EGLN1: variants seen among roughly 807,000 people sequenced by gnomAD.
EGLN1 encodes egl-9 family hypoxia inducible factor 1.
In EGLN1, 17 loss-of-function variants were observed where a neutral mutation model predicts 38.3. The ratio of observed to expected loss-of-function variants is 0.44; its 90% CI spans 0.30 to 0.67. EGLN1 has a LOEUF of 0.67. Among genes scored for constraint, EGLN1 ranks in the 30% least tolerant of loss-of-function variants. The probability of loss-of-function intolerance (pLI) is 0.08; values close to 1 mark genes in which losing one functional copy is unlikely to be tolerated. For synonymous variants in EGLN1, 283 were observed against 257.5 expected (o/e 1.10, Z -0.95); for missense variants, 477 against 603.3 (o/e 0.79, Z 2.19).
chr1:231,405,827 T>TC (rs1688775445), intron 1 of EGLN1, among the ~76,000 whole-genome samples: 1 of 152,148 alleles, frequency 6.6e-6, no homozygotes, highest in Non-Finnish European at 1.5e-5. Context: ...CTGAAAATTG[T>TC]CAATACGAAC....
At chr1:231,373,284 C>A (rs1378492748) in intron 2 of EGLN1, among the ~76,000 whole-genome samples, 1 of 152,022 alleles carries the variant, frequency 6.6e-6, no homozygotes, top group African/African-American at 2.4e-5. Context: ...AATATTTTTA[C>A]AAAAATGCCA....
At chr1:231,389,963 CA>C (rs1314829559) in intron 1 of EGLN1, among the ~76,000 whole-genome samples, 3 of 151,814 alleles carry the variant, frequency 2.0e-5, no homozygotes, top group Non-Finnish European at 4.4e-5. Flanking sequence ...AACAAACAAA[CA>C]AACAACAACA....
At chr1:231,372,024 T>C (rs1687836927) in intron 2 of EGLN1, among the ~76,000 whole-genome samples, 1 of 152,204 alleles carries the variant, frequency 6.6e-6, no homozygotes, top group Admixed American at 6.5e-5. Flanking sequence ...ACCTCCAAAC[T>C]GAGAACATGT....
Position 231,421,856 on chromosome 1 carries a change from C to T in EGLN1, c.33G>A (p.Pro11=), listed in dbSNP as rs1656636446. The T allele has an allele frequency of 6.7e-7, 1 of 1,485,968 alleles. No homozygotes were observed. The highest frequency in any genetic ancestry group is 1.5e-5 in the African/African-American group (1 of 68,518). 92.0% of individuals were successfully genotyped at this position (1,485,968 alleles called of 1,614,324 possible). ...ACTGCCGGTCTCGCTCGCTCGGGCTCGGCCCGCCGGGCCCGCCGCTGTCAT... is the reference window on the plus strand; with the variant it reads ...ACTGCCGGTCTCGCTCGCTCGGGCTTGGCCCGCCGGGCCCGCCGCTGTCAT... The part of the protein sequence containing the change: MANDSGGPGG[P]SPSERDRQYC... Residue 11 remains proline (P), a synonymous_variant, in exon 1 of 5, where the codon CCG becomes CCA. Coordinates refer to ENST00000366641, the MANE Select transcript of EGLN1 (RefSeq NM_022051.3). This position sits in a 1 kb window ranked among gnomAD's most constrained non-coding sequence, Gnocchi z 5.5.
Position 231,392,265 on chromosome 1 carries a change from C to T in EGLN1, c.892-18166G>A, listed in dbSNP as rs556795235. 9.9e-5 allele frequency among the ~76,000 whole-genome samples: 15 copies of T among 151,346 alleles called. 2 individuals carry two copies. In the South Asian group the frequency reaches 2.3e-3, roughly 23 times the overall value. On this transcript the variant is annotated intron_variant, in intron 1 of 4. Transcript: ENST00000366641. Reference sequence around the variant, plus strand: ...TCGCGCCACTGCACTCCAGCCTGGGCGACAGAGCGAGACTCTGTCTCAAAA... The same window carrying T: ...TCGCGCCACTGCACTCCAGCCTGGGTGACAGAGCGAGACTCTGTCTCAAAA...
chr1:231,379,699 T>A (rs1688035082), intron 1 of EGLN1, among the ~76,000 whole-genome samples: 1 of 152,022 alleles, frequency 6.6e-6, no homozygotes, highest in African/African-American at 2.4e-5. Flanking sequence ...GATGCACACA[T>A]TGGGATGTGG....
At chr1:231,406,905 AT>A (rs1688812208) in intron 1 of EGLN1, among the ~76,000 whole-genome samples, 1 of 152,172 alleles carries the variant, frequency 6.6e-6, no homozygotes, top group African/African-American at 2.4e-5. Flanking sequence ...ATTATCACAC[AT>A]GACCTTTAGC....
rs1687654042 is a variant in EGLN1, at chr1:231,366,578, A to G, written c.1217-103T>C. The G allele has an allele frequency of 3.5e-6, 4 of 1,156,806 alleles. No individual in the cohort carries two copies. In the Admixed American group the frequency reaches 5.9e-5, roughly 17 times the overall value. The allele number at this position is 1,156,806 out of a possible 1,614,324, so 71.7% of individuals were successfully genotyped here. A position where few individuals can be genotyped will look rare whatever the true frequency, so the allele number is the denominator to read the frequency against. On this transcript the variant is annotated intron_variant, in intron 4 of 4. Transcript: ENST00000366641. ...TCCTAAGAGTATGGACAATATTTCA[A>G]CTTTGCAAACATCATCTGAGAACTA...
At chr1:231,413,040 A>C (rs1267024678) in intron 1 of EGLN1, among the ~76,000 whole-genome samples, 1 of 151,602 alleles carries the variant, frequency 6.6e-6, no homozygotes, top group Admixed American at 6.6e-5. Flanking sequence ...CATATCCTTT[A>C]CTCCTTCCAC....
chr1:231,421,819 A>G lies in EGLN1; in HGVS notation c.70T>C (p.Cys24Arg). Residue 24 changes from cysteine to arginine, a missense_variant, in exon 1 of 5, where the codon TGC becomes CGC. Around this residue, in one of 4 missense-constraint regions of EGLN1, gnomAD observed 298 missense variants for 288.9 expected, o/e 1.03. Transcript: ENST00000366641. This position sits in a 1 kb window ranked among gnomAD's most constrained non-coding sequence, Gnocchi z 5.5. The stretch of plus-strand genomic sequence containing the variant: ...CGCAGCAGGTTCTCCATCTTCCCGC[A>G]CAGCTCGCAGTACTGCCGGTCTCGC... ...SERDRQYCEL[C>R]GKMENLLRCS... is the part of the protein sequence containing the mutation. 2.6e-6 allele frequency: 4 copies of G among 1,547,216 alleles called. No individual in the cohort carries two copies. Among genetic ancestry groups the G allele is most frequent in the Non-Finnish European group, 3.5e-6 (4 of 1,157,070 alleles).
chr1:231,370,423 T>G (rs766441338), intron 3 of EGLN1, 139 bp downstream of exon 3: 3 of 904,526 alleles, frequency 3.3e-6, no homozygotes, highest in Non-Finnish European at 5.3e-6. Context: ...ACATAAATCT[T>G]ATACAATTAT....
intron 3 of EGLN1, among the ~76,000 whole-genome samples, chr1:231,369,225 G>A (rs1397577606): frequency 2.6e-5 from 4 of 152,092 alleles, no homozygotes; most frequent in Non-Finnish European, 5.9e-5. Context: ...TAGGCCAGCT[G>A]AGCCTCTCCC....
chr1:231,378,219 A>G (rs149766335), intron 1 of EGLN1, among the ~76,000 whole-genome samples: 452 of 152,260 alleles, frequency 3.0e-3, no homozygotes, highest in Middle Eastern at 0.01. Flanking sequence ...GTTCATGATT[A>G]TAATTGTAAA....
At position 231,377,113 on chromosome 1, in the gene EGLN1, A is replaced by T. The variant is rs182971079; in HGVS notation, c.892-3014T>A. 3.3e-5 allele frequency among the ~76,000 whole-genome samples: 5 copies of T among 152,318 alleles called. No homozygotes were observed. In the East Asian group the frequency reaches 9.6e-4, roughly 29 times the overall value. On this transcript the variant is annotated intron_variant, in intron 1 of 4. Transcript: ENST00000366641. ...TAAAAACAACCACAACAACCTCAAT[A>T]TCTCTTACCACCTAACATTTATGGG...
chr1:231,374,132 C>G (rs1226054751), intron 1 of EGLN1, 33 bp from the exon 2 acceptor site: 1 of 1,604,558 alleles, frequency 6.2e-7, no homozygotes, highest in East Asian at 2.2e-5. Context: ...TATTAAAGTC[C>G]ATGTATAAAT....
At chr1:231,372,177 C>A (rs1246402622) in intron 2 of EGLN1, among the ~76,000 whole-genome samples, 1 of 152,194 alleles carries the variant, frequency 6.6e-6, no homozygotes, top group East Asian at 1.9e-4. Context: ...CTCCTGTGTG[C>A]TCCATAGCAA....
intron 1 of EGLN1, among the ~76,000 whole-genome samples, chr1:231,383,057 C>CAAAAAAAAAAAAAA (rs547747077): frequency 4.3e-5 from 3 of 70,550 alleles, no homozygotes; most frequent in African/African-American, 1.9e-4. Context: ...AACTCTGTCT[C>CAAAAAAAAAAAAAA]AAAAAAAAAA....
intron 1 of EGLN1, among the ~76,000 whole-genome samples, chr1:231,399,909 C>G (rs1408539020): frequency 6.6e-6 from 1 of 152,022 alleles, no homozygotes; most frequent in Non-Finnish European, 1.5e-5. Flanking sequence ...TAACAACTTT[C>G]AAAAGTTTAG....
chr1:231,411,006 T>C (rs1276827468), intron 1 of EGLN1, among the ~76,000 whole-genome samples: 1 of 152,068 alleles, frequency 6.6e-6, no homozygotes, highest in Admixed American at 6.6e-5. Flanking sequence ...AACAAAACTA[T>C]AGAAGCCAAG....
Sources: allele counts gnomAD v4.1 joint callset (sites outside exome capture counted in the v4.1 genomes callset), GRCh38; gene constraint gnomAD v4.1.1; regional missense constraint gnomAD v4.1.1; non-coding constraint Gnocchi (gnomAD v3.1); transcripts MANE v1.5; gene names NCBI Gene and HGNC (gene_info 2026-07-23, HGNC 2026-07-21).